Variants in CCDC77 observed in about 807,000 individuals in gnomAD.
The protein encoded by CCDC77 is coiled-coil domain containing 77, also known as coiled-coil domain-containing protein 77.
A neutral mutation model predicts 66.8 loss-of-function variants in CCDC77; 56 were observed. That is an observed-to-expected ratio of 0.84 (90% CI 0.68 to 1.05). The LOEUF (loss-of-function observed/expected upper bound fraction) is 1.05. Ranked by LOEUF, CCDC77 falls within the 50% of genes least tolerant of loss-of-function variation. CCDC77 has a pLI of 0.00. For missense variants in CCDC77, 570 were observed against 576.8 expected (o/e 0.99, Z 0.12); for synonymous variants, 196 against 195.2 (o/e 1.00, Z -0.03).
At chr12:406,696 C>G (rs1944997222) in intron 2 of CCDC77, among the ~76,000 whole-genome samples, 1 of 151,962 alleles carries the variant, frequency 6.6e-6, no homozygotes, top group South Asian at 2.1e-4. Flanking sequence ...CCTGTAATCC[C>G]AGCACTTTGG....
chr12:430,371 A>G lies in CCDC77; in HGVS notation c.511-293A>G, dbSNP rs545038433. ...CAGTGGAGTGATCATAACTCACTGC[A>G]GCCTTAAGCTCCTAAGCTTAAGCAA... On this transcript the variant is annotated intron_variant, in intron 6 of 12. Coordinates refer to ENST00000239830, the MANE Select transcript of CCDC77 (RefSeq NM_032358.4). Among the ~76,000 whole-genome samples the G allele has an allele frequency of 8.5e-5, 13 of 152,162 alleles. No individual in the cohort carries two copies. In the South Asian group the frequency reaches 2.7e-3, roughly 32 times the overall value.
chr12:434,455 C>T (rs1049166232), intron 9 of CCDC77, among the ~76,000 whole-genome samples: 1 of 151,516 alleles, frequency 6.6e-6, no homozygotes, highest in African/African-American at 2.4e-5. Context: ...CAGGTTCAAG[C>T]GATTCTCCTG....
intron 1 of CCDC77, among the ~76,000 whole-genome samples, chr12:390,324 C>T (rs1316121428): frequency 2.0e-5 from 3 of 152,140 alleles, no homozygotes; most frequent in African/African-American, 7.2e-5. Context: ...TTCATCTTGT[C>T]ACTTTTCATC....
intron 3 of CCDC77, among the ~76,000 whole-genome samples, chr12:410,922 A>AT (rs1335150899): frequency 1.3e-5 from 2 of 152,036 alleles, no homozygotes; most frequent in Non-Finnish European, 2.9e-5. Context: ...GTTTTTTTAA[A>AT]TTATCTTTTT....
intron 1 of CCDC77, among the ~76,000 whole-genome samples, chr12:402,332 T>C (rs1944912051): frequency 6.6e-6 from 1 of 152,236 alleles, no homozygotes; most frequent in Admixed American, 6.5e-5. Context: ...TGTTGACTTG[T>C]AGATAATTTC....
chr12:402,751 G>A (rs1212306294), intron 1 of CCDC77, among the ~76,000 whole-genome samples: 1 of 152,154 alleles, frequency 6.6e-6, no homozygotes, highest in Admixed American at 6.6e-5. Flanking sequence ...TAATGGTGTG[G>A]GTAAGAAGTA....
intron 2 of CCDC77, among the ~76,000 whole-genome samples, chr12:405,867 C>G (rs1405733762): frequency 2.0e-5 from 3 of 151,436 alleles, no homozygotes; most frequent in Admixed American, 6.6e-5. Context: ...TTTGCATATT[C>G]CAGTGTGGAG....
chr12:427,894 G>C (rs1274111204), intron 5 of CCDC77, among the ~76,000 whole-genome samples: 1 of 152,182 alleles, frequency 6.6e-6, no homozygotes, highest in Non-Finnish European at 1.5e-5. Context: ...ATTGGGAAGT[G>C]AGGGAACTTA....
intron 9 of CCDC77, chr12:433,543 T>C: frequency 8.4e-7 from 1 of 1,183,990 alleles, no homozygotes; most frequent in Non-Finnish European, 1.1e-6. Flanking sequence ...TTTTAATCCA[T>C]TTTGGTGTTT....
chr12:408,442 C>T (rs778599833), intron 2 of CCDC77, among the ~76,000 whole-genome samples: 4 of 152,040 alleles, frequency 2.6e-5, no homozygotes, highest in African/African-American at 7.2e-5. Flanking sequence ...AGAGAAAGTA[C>T]GCGAAATAAA....
chr12:412,077 A>G (rs1423893985), intron 4 of CCDC77, 99 bp downstream of exon 4: 8 of 887,494 alleles, frequency 9.0e-6, no homozygotes, highest in Admixed American at 2.7e-5. Flanking sequence ...GATGTTTTAT[A>G]AAAATACTCC....
In CCDC77 at chr12:440,613, G is replaced by T; in HGVS notation, c.1042-4G>T. ...TTAATGTTTTTTGTCCCTTTGACTT[G>T]TAGTCCCTAAAAGATAAGTTAGTAC... On this transcript the variant is annotated splice_region_variant and splice_polypyrimidine_tract_variant and intron_variant, in intron 10 of 12. Transcript: ENST00000239830. 1 of 1,613,724 alleles carries T rather than the reference G, an allele frequency of 6.2e-7. No individual in the cohort carries two copies. Among genetic ancestry groups the T allele is most frequent in the African/African-American group, 1.3e-5 (1 of 75,016 alleles).
chr12:438,163 A>C (rs34723147), intron 9 of CCDC77, among the ~76,000 whole-genome samples, 172 bp from the exon 10 acceptor site: 4,184 of 152,340 alleles, frequency 0.027, 71 homozygotes, highest in Non-Finnish European at 0.045. Flanking sequence ...TACTTTACCC[A>C]GTAAAACATG....
chr12:395,694 C>T (rs187820033), intron 1 of CCDC77, among the ~76,000 whole-genome samples: 259 of 152,024 alleles, frequency 1.7e-3, no homozygotes, highest in Middle Eastern at 3.4e-3. Context: ...AGGAGTTCGA[C>T]ACCAGAGTGG....
rs568459382 is a variant in CCDC77, at chr12:430,849, T to C, written c.583+113T>C. On this transcript the variant is annotated intron_variant, in intron 7 of 12. Transcript: ENST00000239830. ...ATCCCAGCACTTTGGGAGGCTGAGG[T>C]TGGTGGATCACCTGAGGTCAGGAGT... 3.7e-4 allele frequency: 296 copies of C among 789,360 alleles called. 1 individual carries two copies. In the South Asian group the frequency reaches 4.0e-3, roughly 11 times the overall value. The allele number at this position is 789,360 out of a possible 1,614,324, so 48.9% of individuals were successfully genotyped here.
upstream of CCDC77, among the ~76,000 whole-genome samples, chr12:400,440 A>G (rs775052506): frequency 4.6e-5 from 7 of 152,226 alleles, no homozygotes; most frequent in Non-Finnish European, 8.8e-5. Context: ...GGCTTTCAAC[A>G]TGCCTTTTTC....
At chr12:424,500 T>A (rs758338573) in intron 5 of CCDC77, among the ~76,000 whole-genome samples, 1 of 151,882 alleles carries the variant, frequency 6.6e-6, no homozygotes, top group Non-Finnish European at 1.5e-5. Flanking sequence ...TTTTTTTCAT[T>A]TTTTTGTAGA....
chr12:423,508 T>TG (rs1945473211), intron 5 of CCDC77, among the ~76,000 whole-genome samples: 1 of 115,442 alleles, frequency 8.7e-6, no homozygotes, highest in South Asian at 3.0e-4. Context: ...TTTTTTTTTT[T>TG]TTTTTGAGAC....
At chr12:400,629 T>C (rs1265220226), upstream of CCDC77, among the ~76,000 whole-genome samples, 1 of 152,214 alleles carries the variant, frequency 6.6e-6, no homozygotes, top group African/African-American at 2.4e-5. Context: ...GTGGAGCAGT[T>C]AAAACATCCA....
Sources: allele counts gnomAD v4.1 joint callset (sites outside exome capture counted in the v4.1 genomes callset), GRCh38; gene constraint gnomAD v4.1.1; transcripts MANE v1.5; gene names NCBI Gene and HGNC (gene_info 2026-07-23, HGNC 2026-07-21).